Variants in PCA3 observed in about 807,000 individuals in gnomAD.
PCA3 encodes the protein Differential Display code 3.
chr9:76,774,239 G>A (rs541546273), intron 2 of PCA3, among the ~76,000 whole-genome samples: 3 of 150,950 alleles, frequency 2.0e-5, no homozygotes, highest in East Asian at 2.0e-4. Flanking sequence ...AGGCTCAAGC[G>A]ATCCTCCCAC....
intron 2 of PCA3, among the ~76,000 whole-genome samples, chr9:76,777,781 T>C (rs1425248278): frequency 6.6e-6 from 1 of 152,218 alleles, no homozygotes; most frequent in Non-Finnish European, 1.5e-5. Flanking sequence ...TATTATTTTA[T>C]ATAAGATGGT....
chr9:76,780,930 G>A (rs1192834590), intron 2 of PCA3, among the ~76,000 whole-genome samples: 1 of 152,138 alleles, frequency 6.6e-6, no homozygotes, highest in Non-Finnish European at 1.5e-5. Flanking sequence ...TTTCCCATCT[G>A]AGAAAGTGGT....
intron 2 of PCA3, among the ~76,000 whole-genome samples, chr9:76,781,502 G>A (rs1282327783): frequency 1.3e-5 from 2 of 152,096 alleles, no homozygotes; most frequent in Non-Finnish European, 2.9e-5. Flanking sequence ...GGCCTATATT[G>A]TATATGCTTG....
At chr9:76,781,862 GA>G (rs1349814315) in intron 2 of PCA3, among the ~76,000 whole-genome samples, 1 of 152,182 alleles carries the variant, frequency 6.6e-6, no homozygotes, top group Non-Finnish European at 1.5e-5. Context: ...ACAGCAAAAT[GA>G]ATGGAGATGT....
intron 2 of PCA3, among the ~76,000 whole-genome samples, chr9:76,776,823 T>G (rs577943022): frequency 4.4e-4 from 67 of 151,374 alleles, no homozygotes; most frequent in African/African-American, 1.4e-3. Flanking sequence ...GCCAGCAGTT[T>G]TTTTTTTTTT....
chr9:76,770,593 C>A (rs1456116613), intron 2 of PCA3, among the ~76,000 whole-genome samples: 2 of 151,956 alleles, frequency 1.3e-5, no homozygotes, highest in Non-Finnish European at 2.9e-5. Flanking sequence ...AAAAGTAAAC[C>A]AAATGAAACT....
At chr9:76,773,062 A>C (rs1205080840) in intron 2 of PCA3, among the ~76,000 whole-genome samples, 1 of 152,194 alleles carries the variant, frequency 6.6e-6, no homozygotes. Context: ...CAACAATATA[A>C]TTTCTTACAT....
In PCA3 at chr9:76,771,499, A is replaced by C. The variant is rs558499119; in HGVS notation, n.852+34884A>C. ...ACACAAACTGCAGCAATGTGACATG[A>C]AGGCAGGTACAATGAGGAAGACTAC... is the stretch of plus-strand genomic sequence containing the variant. On this transcript the variant is annotated intron_variant and non_coding_transcript_variant, in intron 2 of 5. Transcript: ENST00000644657. Among the ~76,000 whole-genome samples, 10 of 152,310 alleles carry C rather than the reference A, an allele frequency of 6.6e-5. No homozygotes were observed. In the South Asian group the frequency reaches 1.9e-3, roughly 28 times the overall value.
At chr9:76,785,145 C>G (rs890055622) in intron 2 of PCA3, 3 of 152,222 alleles carry the variant, frequency 2.0e-5, no homozygotes, top group Non-Finnish European at 2.9e-5. Context: ...CTCCCATGCA[C>G]CTAAACAAAA....
At chr9:76,767,458 A>AT (rs2052537403) in intron 2 of PCA3, among the ~76,000 whole-genome samples, 1 of 151,824 alleles carries the variant, frequency 6.6e-6, no homozygotes, top group Non-Finnish European at 1.5e-5. Context: ...TCTCAAAAAA[A>AT]AAAAGAAAGA....
At chr9:76,780,879 G>T (rs564121708) in intron 2 of PCA3, among the ~76,000 whole-genome samples, 5 of 152,224 alleles carry the variant, frequency 3.3e-5, no homozygotes, top group Admixed American at 3.3e-4. Context: ...CGCAGGCTAC[G>T]CTGCAACCTA....
intron 2 of PCA3, chr9:76,787,245 C>T (rs1427788593): frequency 6.6e-6 from 1 of 151,440 alleles, no homozygotes. Flanking sequence ...TCTTTTATCA[C>T]CAAAGTGGCT....
At chr9:76,775,146 G>A (rs2053600171) in intron 2 of PCA3, among the ~76,000 whole-genome samples, 1 of 152,198 alleles carries the variant, frequency 6.6e-6, no homozygotes, top group African/African-American at 2.4e-5. Flanking sequence ...TGGTCGGGGG[G>A]AAAGAAAGGA....
chr9:76,780,155 C>A (rs1201229327), intron 2 of PCA3, among the ~76,000 whole-genome samples: 1 of 152,054 alleles, frequency 6.6e-6, no homozygotes, highest in Non-Finnish European at 1.5e-5. Context: ...TATGTAAGAT[C>A]CAAGAAGTAC....
intron 2 of PCA3, among the ~76,000 whole-genome samples, chr9:76,775,078 T>C (rs1178468917): frequency 6.6e-6 from 1 of 152,110 alleles, no homozygotes; most frequent in African/African-American, 2.4e-5. Flanking sequence ...GAAAAAAAAT[T>C]TGCCCTGTTA....
At chr9:76,767,028 T>C (rs894049925) in intron 2 of PCA3, among the ~76,000 whole-genome samples, 1 of 152,340 alleles carries the variant, frequency 6.6e-6, no homozygotes, top group African/African-American at 2.4e-5. Context: ...TAACCTTGCC[T>C]GTCTTATTCA....
intron 2 of PCA3, among the ~76,000 whole-genome samples, chr9:76,781,520 A>T (rs1038188300): frequency 2.6e-5 from 4 of 152,198 alleles, no homozygotes; most frequent in African/African-American, 7.2e-5. Context: ...TTGGTTTATA[A>T]ACTTAAAAAT....
At chr9:76,769,617 G>T (rs1024733534) in intron 2 of PCA3, among the ~76,000 whole-genome samples, 4 of 152,142 alleles carry the variant, frequency 2.6e-5, no homozygotes, top group Non-Finnish European at 5.9e-5. Flanking sequence ...TAGAGATGGG[G>T]TTTCTCCATG....
In PCA3 at chr9:76,773,166, C is replaced by T. The variant is rs146616045; in HGVS notation, n.853-35417C>T. ...CCAAGTTAAATTTACTTCACCAAAG[C>T]GGTCTTTTGTTGTTGTTGGGATTCA... On this transcript the variant is annotated intron_variant and non_coding_transcript_variant, in intron 2 of 5. Transcript: ENST00000644657. 5.3e-3 allele frequency among the ~76,000 whole-genome samples: 806 copies of T among 152,248 alleles called. 7 individuals carry two copies. Among genetic ancestry groups the T allele is most frequent in the African/African-American group, 0.019 (771 of 41,526 alleles).
Sources: allele counts gnomAD v4.1 joint callset (sites outside exome capture counted in the v4.1 genomes callset), GRCh38; gene constraint gnomAD v4.1.1; transcripts MANE v1.5; gene names NCBI Gene and HGNC (gene_info 2026-07-23, HGNC 2026-07-21).